The following ZNF644 variants were observed in gnomAD, a reference collection of about 807,000 sequenced individuals.
ZNF644 encodes zinc finger motif enhancer binding protein 2.
A neutral mutation model predicts 108.0 loss-of-function variants in ZNF644; 20 were observed. The ratio of observed to expected loss-of-function variants is 0.19; its 90% confidence interval spans 0.13 to 0.27. The LOEUF is 0.27. Ranked by LOEUF, ZNF644 falls within the 10% of genes least tolerant of loss-of-function variation. The pLI, the probability that ZNF644 is intolerant of heterozygous loss-of-function variation, is 1.00. For synonymous variants in ZNF644, 542 were observed against 539.1 expected (o/e 1.01, Z -0.08); for missense variants, 1,338 against 1,548.9 (o/e 0.86, Z 2.29).
chr1:90,963,339 A>G (rs1210849310), intron 2 of ZNF644, among the ~76,000 whole-genome samples: 1 of 152,126 alleles, frequency 6.6e-6, no homozygotes, highest in Non-Finnish European at 1.5e-5. Flanking sequence ...ATTAATACCG[A>G]GTGTTAGTGA....
chr1:90,935,863 A>C (rs504133), intron 4 of ZNF644, among the ~76,000 whole-genome samples: 21,038 of 152,192 alleles, frequency 0.14, 1,506 homozygotes, highest in African/African-American at 0.16. Context: ...GATTTGAACA[A>C]CACGGTTCTG....
intron 2 of ZNF644, among the ~76,000 whole-genome samples, chr1:90,963,801 G>C (rs1056154971): frequency 1.3e-5 from 2 of 152,090 alleles, no homozygotes; most frequent in Non-Finnish European, 1.5e-5. Context: ...AAGAGACATA[G>C]GGGGTTTCTG....
chr1:90,954,836 TA>T (rs1557594417), intron 2 of ZNF644, among the ~76,000 whole-genome samples: 2 of 152,240 alleles, frequency 1.3e-5, no homozygotes. Context: ...AAACTCATAT[TA>T]ATGTTGATAT....
chr1:90,998,456 A>G (rs1658402938), intron 1 of ZNF644, among the ~76,000 whole-genome samples: 1 of 152,358 alleles, frequency 6.6e-6, no homozygotes, highest in African/African-American at 2.4e-5. Context: ...GACCTCCAGC[A>G]AACTCCCAAC....
At chr1:91,004,408 A>C (rs1659209628) in intron 1 of ZNF644, among the ~76,000 whole-genome samples, 1 of 152,236 alleles carries the variant, frequency 6.6e-6, no homozygotes, top group South Asian at 2.1e-4. Flanking sequence ...ATGGTGTCAA[A>C]GTACTGAAAG....
At chr1:91,017,718 T>C (rs1366195455) in intron 1 of ZNF644, among the ~76,000 whole-genome samples, 1 of 152,158 alleles carries the variant, frequency 6.6e-6, no homozygotes, top group Non-Finnish European at 1.5e-5. Context: ...TCCCAGCACT[T>C]TGGGAGGCCA....
rs1193306517 is a variant in ZNF644 at position 91,007,229 on chromosome 1, T to G, written c.-18+14761A>C. Reference sequence around the variant, plus strand: ...TCTTCCATTTTCTCCCATTTTGTTTTTTTTTTTTTTTTTTTTTTTTTTTTG... The same window carrying G: ...TCTTCCATTTTCTCCCATTTTGTTTGTTTTTTTTTTTTTTTTTTTTTTTTG... On this transcript the variant is annotated intron_variant, in intron 1 of 5. Transcript: ENST00000337393. 5.4e-5 allele frequency among the ~76,000 whole-genome samples: 7 copies of G among 128,674 alleles called. No homozygotes were observed. In the East Asian group the frequency reaches 1.1e-3, roughly 21 times the overall value. 84.4% of individuals were successfully genotyped at this position (128,674 alleles called of 152,430 possible).
intron 2 of ZNF644, among the ~76,000 whole-genome samples, chr1:90,974,832 A>G (rs1312404093): frequency 1.3e-5 from 2 of 152,276 alleles, no homozygotes; most frequent in East Asian, 1.9e-4. Flanking sequence ...AACTCCTTCA[A>G]TGGTTTATAA....
chr1:90,999,863 A>G (rs1377498587), intron 1 of ZNF644, among the ~76,000 whole-genome samples: 1 of 152,194 alleles, frequency 6.6e-6, no homozygotes, highest in East Asian at 1.9e-4. Context: ...CAAATGGAAA[A>G]CAAAAAAAGG....
At chr1:90,917,232 T>A (rs1221729879) in intron 5 of ZNF644, among the ~76,000 whole-genome samples, 1 of 152,178 alleles carries the variant, frequency 6.6e-6, no homozygotes, top group African/African-American at 2.4e-5. Context: ...AAAATTAACA[T>A]CTACACATCT....
At chr1:90,955,375 A>G (rs1474176967) in intron 2 of ZNF644, among the ~76,000 whole-genome samples, 1 of 152,194 alleles carries the variant, frequency 6.6e-6, no homozygotes, top group Admixed American at 6.5e-5. Flanking sequence ...TTCAGTTTTG[A>G]AGCCAGGCAT....
chr1:91,001,557 T>C (rs1004206107), intron 1 of ZNF644, among the ~76,000 whole-genome samples: 1 of 152,200 alleles, frequency 6.6e-6, no homozygotes, highest in Non-Finnish European at 1.5e-5. Context: ...GAGCTATTTA[T>C]GACAAACCCA....
chr1:90,931,647 T>C (rs1405858585), intron 4 of ZNF644, among the ~76,000 whole-genome samples: 7 of 152,166 alleles, frequency 4.6e-5, no homozygotes, highest in Non-Finnish European at 1.0e-4. Flanking sequence ...TGTGAAATTA[T>C]TCTTTTATGA....
intron 2 of ZNF644, among the ~76,000 whole-genome samples, chr1:90,977,496 G>A (rs890743377): frequency 6.6e-6 from 1 of 152,096 alleles, no homozygotes; most frequent in Non-Finnish European, 1.5e-5. Flanking sequence ...TTGTAATGAA[G>A]GTGATATTTC....
At chr1:90,979,902 C>T (rs1382523719) in intron 2 of ZNF644, among the ~76,000 whole-genome samples, 1 of 152,114 alleles carries the variant, frequency 6.6e-6, no homozygotes, top group Non-Finnish European at 1.5e-5. Context: ...ATTTTACTAG[C>T]CACTGTATTT....
chr1:90,938,127 TTA>T lies in ZNF644; in HGVS notation c.3083-39_3083-38del. 1.2e-6 allele frequency: 2 copies of T among 1,608,866 alleles called. No homozygotes were observed. Among genetic ancestry groups the T allele is most frequent in the Non-Finnish European group, 1.7e-6 (2 of 1,177,808 alleles). On this transcript the variant is annotated intron_variant, in intron 3 of 5. Transcript: ENST00000337393. This position sits in a 1 kb window ranked among gnomAD's most constrained non-coding sequence, Gnocchi z 4.2. ...TTTTTAAGAGTAATATCAGACTTTCTTATATAAACTGACCACCCTAAAATGAG... is the reference window on the plus strand; with the variant it reads ...TTTTTAAGAGTAATATCAGACTTTCTTATAAACTGACCACCCTAAAATGAG...
intron 1 of ZNF644, among the ~76,000 whole-genome samples, chr1:90,985,227 T>G (rs1656978143): frequency 6.6e-6 from 1 of 152,228 alleles, no homozygotes; most frequent in Non-Finnish European, 1.5e-5. Context: ...TGGGGTACAA[T>G]GTGATGTTTT....
At chr1:90,984,700 TATC>T (rs997317235) in intron 1 of ZNF644, among the ~76,000 whole-genome samples, 15 of 152,154 alleles carry the variant, frequency 9.9e-5, no homozygotes, top group African/African-American at 3.6e-4. Context: ...GCCTGACTGG[TATC>T]ATTCTAAGAG....
chr1:90,995,544 C>G (rs1658069932), intron 1 of ZNF644, among the ~76,000 whole-genome samples: 1 of 151,962 alleles, frequency 6.6e-6, no homozygotes, highest in Non-Finnish European at 1.5e-5. Flanking sequence ...AGAATCTCAA[C>G]AAACCCAAGC....
Sources: allele counts gnomAD v4.1 joint callset (sites outside exome capture counted in the v4.1 genomes callset), GRCh38; gene constraint gnomAD v4.1.1; non-coding constraint Gnocchi (gnomAD v3.1); transcripts MANE v1.5; gene names NCBI Gene and HGNC (gene_info 2026-07-23, HGNC 2026-07-21).